The following FAM234B variants were observed in gnomAD, a reference collection of about 807,000 sequenced individuals.
FAM234B encodes family with sequence similarity 234 member B.
FAM234B carries 33 observed loss-of-function variants against 69.3 expected under a neutral mutation model. The ratio of observed to expected loss-of-function variants is 0.48; its 90% CI spans 0.36 to 0.64. The LOEUF is 0.64. Ranked by LOEUF, FAM234B falls within the 30% of genes least tolerant of loss-of-function variation. The pLI is 0.00. For synonymous variants in FAM234B, 306 were observed against 306.9 expected (o/e 1.00, Z 0.03); for missense variants, 697 against 769.7 (o/e 0.91, Z 1.12).
Position 13,080,750 on chromosome 12 carries a change from T to C in FAM234B, c.*120T>C. On this transcript the variant is annotated 3_prime_UTR_variant, in exon 13 of 13. Transcript: ENST00000197268. ...TCTTCGTCCTCATTTACCACCTCCC[T>C]GATGGTTGCAAAGGCTTGGGAAGGC... is the stretch of plus-strand genomic sequence containing the variant. 2.4e-6 allele frequency: 2 copies of C among 841,648 alleles called. No homozygotes were observed. Among genetic ancestry groups the C allele is most frequent in the South Asian group, 1.6e-5 (1 of 62,480 alleles). The allele number at this position is 841,648 out of a possible 1,614,324, so 52.1% of individuals were successfully genotyped here.
intron 2 of FAM234B, 134 bp from the exon 3 acceptor site, chr12:13,058,317 A>G (rs1054846356): frequency 2.1e-4 from 150 of 712,490 alleles, no homozygotes; most frequent in Non-Finnish European, 3.6e-4. Flanking sequence ...TAGCAGGGGG[A>G]GTAGGGAGAG....
At chr12:13,049,821 T>C (rs1194978843) in intron 1 of FAM234B, among the ~76,000 whole-genome samples, 2 of 152,246 alleles carry the variant, frequency 1.3e-5, no homozygotes, top group African/African-American at 4.8e-5. Context: ...TTTGTTATGT[T>C]TCGTTGTTAC....
chr12:13,049,320 C>T (rs897096724), intron 1 of FAM234B, among the ~76,000 whole-genome samples: 6 of 152,228 alleles, frequency 3.9e-5, no homozygotes, highest in South Asian at 2.1e-4. Context: ...GCTGGGGTTA[C>T]AGGCGCCTGC....
Position 13,067,037 on chromosome 12 carries a change from G to C in FAM234B, c.1001-118G>C. ...CTCCCCACTTGTTCCGTGTTGTCCA[G>C]TCTGGGCGGGCTCTGTTAGACCCAT... On this transcript the variant is annotated intron_variant, in intron 6 of 12. Transcript: ENST00000197268. The surrounding 1 kb of genome is among the most constrained non-coding windows in gnomAD (Gnocchi z 4.7). 2.5e-6 allele frequency: 3 copies of C among 1,211,014 alleles called. No homozygotes were observed. Among genetic ancestry groups the C allele is most frequent in the Non-Finnish European group, 3.6e-6 (3 of 844,388 alleles). The allele number at this position is 1,211,014 out of a possible 1,614,324, so 75.0% of individuals were successfully genotyped here.
intron 3 of FAM234B, among the ~76,000 whole-genome samples, chr12:13,061,353 G>C (rs1337382262): frequency 6.6e-6 from 1 of 152,196 alleles, no homozygotes; most frequent in East Asian, 1.9e-4. Flanking sequence ...CGACAGTGTA[G>C]AGGAGGCCAC....
In FAM234B at chr12:13,061,546, C is replaced by CT. The variant is rs758196035; in HGVS notation, c.533-22dup. 43 of 1,579,046 alleles carry CT rather than the reference C, an allele frequency of 2.7e-5. 1 individual carries two copies. In the Admixed American group the frequency reaches 3.7e-4, roughly 14 times the overall value. ...CCTCTTATCTCCTTTGCCTGCTTTC[C>CT]TTTTTTTATCTCTCTTGTGTGCTTT... On this transcript the variant is annotated intron_variant, in intron 3 of 12. Transcript: ENST00000197268.
At chr12:13,065,809 A>G (rs1865029885) in intron 5 of FAM234B, among the ~76,000 whole-genome samples, 3 of 152,244 alleles carry the variant, frequency 2.0e-5, no homozygotes, top group Admixed American at 6.5e-5. Flanking sequence ...TTGATCCCAT[A>G]AGTACCTTTT....
chr12:13,061,924 C>A (rs989292003), intron 4 of FAM234B, among the ~76,000 whole-genome samples, 161 bp downstream of exon 4: 2 of 152,136 alleles, frequency 1.3e-5, no homozygotes, highest in African/African-American at 2.4e-5. Context: ...AAGGTTTGGG[C>A]AGATTGAGTA....
Position 13,044,900 on chromosome 12 carries a change from A to ATGAGGCAGG in FAM234B, c.37+463_37+471dup, listed in dbSNP as rs1475804617. Among the ~76,000 whole-genome samples, 1 of 152,228 alleles carries ATGAGGCAGG rather than the reference A, an allele frequency of 6.6e-6. No homozygotes were observed. The highest frequency in any genetic ancestry group is 1.5e-5 in the Non-Finnish European group (1 of 68,030). ...ACCTAACGGCAGCAACGACGCATCCATGAGGCAGGTGGGACAGGTATTTAC... is the reference window on the plus strand; with the variant it reads ...ACCTAACGGCAGCAACGACGCATCCATGAGGCAGGTGAGGCAGGTGGGACAGGTATTTAC... On this transcript the variant is annotated intron_variant, in intron 1 of 12. Transcript: ENST00000197268. The surrounding 1 kb of genome is among the most constrained non-coding windows in gnomAD (Gnocchi z 5.6).
At chr12:13,048,804 T>G (rs963938264) in intron 1 of FAM234B, among the ~76,000 whole-genome samples, 2 of 152,240 alleles carry the variant, frequency 1.3e-5, no homozygotes, top group African/African-American at 4.8e-5. Flanking sequence ...TTTAATGGTC[T>G]TACAGTTCTG....
rs185088346 is a variant in FAM234B at position 13,076,658 on chromosome 12, A to C, written c.1642+515A>C. Reference sequence around the variant, plus strand: ...AAGAAGAAAAATCAAAGGAAGAAAGAAAAATTGGCCATAATCTGGCCACTC... The same window carrying C: ...AAGAAGAAAAATCAAAGGAAGAAAGCAAAATTGGCCATAATCTGGCCACTC... On this transcript the variant is annotated intron_variant, in intron 11 of 12. Coordinates refer to ENST00000197268, the MANE Select transcript of FAM234B (RefSeq NM_020853.2). 3.4e-3 allele frequency among the ~76,000 whole-genome samples: 511 copies of C among 152,386 alleles called. 9 individuals are homozygous for C. Among genetic ancestry groups the C allele is most frequent in the Non-Finnish European group, 1.3e-3 (91 of 68,044 alleles).
Position 13,044,480 on chromosome 12 carries a change from G to A in FAM234B, c.37+40G>A, listed in dbSNP as rs1207071013. On this transcript the variant is annotated intron_variant, in intron 1 of 12. Coordinates refer to ENST00000197268, the MANE Select transcript of FAM234B (RefSeq NM_020853.2). The surrounding 1 kb of genome is among the most constrained non-coding windows in gnomAD (Gnocchi z 5.6). ...GCTTGCGACCACCCAGTCCCCGCCG[G>A]TGTTGGAATAAGGGGAGGCGAGGCT... 5 of 1,549,020 alleles carry A rather than the reference G, an allele frequency of 3.2e-6. No individual in the cohort carries two copies. Among genetic ancestry groups the A allele is most frequent in the Non-Finnish European group, 4.4e-6 (5 of 1,145,266 alleles).
chr12:13,068,475 G>T (rs767466225), intron 8 of FAM234B, 28 bp downstream of exon 8: 2 of 1,610,360 alleles, frequency 1.2e-6, no homozygotes, highest in Non-Finnish European at 1.7e-6. Flanking sequence ...TCTTGTGTTT[G>T]CTGTTTTGAT....
chr12:13,063,087 GGTTTAGGTTTAA>G, intron 5 of FAM234B, 112 bp downstream of exon 5: 1 of 1,263,544 alleles, frequency 7.9e-7, no homozygotes, highest in Non-Finnish European at 1.1e-6. Flanking sequence ...TTTTTACAAG[GGTTTAGGTTTAA>G]GTAAATTCTC....
At chr12:13,072,054 G>C (rs1865112592) in intron 10 of FAM234B, among the ~76,000 whole-genome samples, 1 of 152,180 alleles carries the variant, frequency 6.6e-6, no homozygotes, top group Non-Finnish European at 1.5e-5. Context: ...TCTTGACTCA[G>C]CACTTTCTGT....
intron 11 of FAM234B, among the ~76,000 whole-genome samples, 190 bp from the exon 12 acceptor site, chr12:13,079,599 G>C (rs187894307): frequency 9.2e-4 from 140 of 152,334 alleles, no homozygotes; most frequent in Admixed American, 2.9e-3. Context: ...AGAATGTGCT[G>C]CTTTACTGGC....
At chr12:13,068,906 C>G (rs1007571529) in intron 9 of FAM234B, among the ~76,000 whole-genome samples, 195 bp downstream of exon 9, 2 of 152,160 alleles carry the variant, frequency 1.3e-5, no homozygotes, top group East Asian at 3.9e-4. Flanking sequence ...GGAAGCCTTT[C>G]TAGGATAATC....
chr12:13,051,365 T>C (rs1279938133), intron 1 of FAM234B, among the ~76,000 whole-genome samples: 1 of 152,246 alleles, frequency 6.6e-6, no homozygotes, highest in African/African-American at 2.4e-5. Flanking sequence ...TTTAGCCTGA[T>C]ATGTTTGTTG....
chr12:13,077,930 G>A lies in FAM234B; in HGVS notation c.1642+1787G>A, dbSNP rs375717487. ...TTTCTCCACATCCTCTCCAGCACCT[G>A]TTGTTTCCTGACTTTTTAATGATTG... On this transcript the variant is annotated intron_variant, in intron 11 of 12. Coordinates refer to ENST00000197268, the MANE Select transcript of FAM234B (RefSeq NM_020853.2). Among the ~76,000 whole-genome samples, 32 of 152,118 alleles carry A rather than the reference G, an allele frequency of 2.1e-4. No individual in the cohort carries two copies. The South Asian group carries it at 6.7e-3, about 32-fold the overall frequency.
Sources: allele counts gnomAD v4.1 joint callset (sites outside exome capture counted in the v4.1 genomes callset), GRCh38; gene constraint gnomAD v4.1.1; non-coding constraint Gnocchi (gnomAD v3.1); transcripts MANE v1.5; gene names NCBI Gene and HGNC (gene_info 2026-07-23, HGNC 2026-07-21).